Variants in HS6ST3 observed in about 807,000 individuals in gnomAD.
The protein encoded by HS6ST3 is heparan sulfate 6-O-sulfotransferase 3, also known as heparan-sulfate 6-O-sulfotransferase 3.
A neutral mutation model predicts 36.7 loss-of-function variants in HS6ST3; 12 were observed. The ratio of observed to expected loss-of-function variants is 0.33; its 90% CI spans 0.21 to 0.53. The LOEUF (loss-of-function observed/expected upper bound fraction) is 0.53. Among genes scored for constraint, HS6ST3 ranks in the 20% least tolerant of loss-of-function variants. HS6ST3 has a pLI of 0.95. For missense variants in HS6ST3, 584 were observed against 640.9 expected, an observed-to-expected ratio of 0.91 and a Z score of 0.96; for synonymous variants, 240 against 257.5, an observed-to-expected ratio of 0.93 and a Z score of 0.65.
chr13:96,532,224 C>T (rs760150082), intron 1 of HS6ST3, among the ~76,000 whole-genome samples: 8 of 152,202 alleles, frequency 5.3e-5, no homozygotes, highest in Admixed American at 6.5e-5. Context: ...TGGGGAATAA[C>T]GGGCATCTAA....
At chr13:96,092,344 A>C (rs953102149) in intron 1 of HS6ST3, among the ~76,000 whole-genome samples, 8 of 152,198 alleles carry the variant, frequency 5.3e-5, no homozygotes, top group Non-Finnish European at 8.8e-5. Context: ...TGTTTTCAGG[A>C]TGGAATGACA....
intron 1 of HS6ST3, among the ~76,000 whole-genome samples, chr13:96,281,078 CT>C (rs2054773706): frequency 2.0e-5 from 3 of 152,144 alleles, no homozygotes; most frequent in Non-Finnish European, 4.4e-5. Flanking sequence ...ACAATCTCGG[CT>C]CACTGCAACC....
At chr13:96,393,721 C>T (rs533542850) in intron 1 of HS6ST3, among the ~76,000 whole-genome samples, 56 of 152,156 alleles carry the variant, frequency 3.7e-4, no homozygotes, top group Middle Eastern at 3.4e-3. Context: ...AGAACTCAGC[C>T]GGCAGAGGCT....
At chr13:96,646,395 G>C (rs1254999570) in intron 1 of HS6ST3, among the ~76,000 whole-genome samples, 1 of 151,980 alleles carries the variant, frequency 6.6e-6, no homozygotes, top group Admixed American at 6.6e-5. Flanking sequence ...CAAGGTCACT[G>C]AATACATTGA....
intron 1 of HS6ST3, among the ~76,000 whole-genome samples, chr13:96,466,644 C>T (rs750330042): frequency 8.6e-5 from 13 of 151,938 alleles, no homozygotes; most frequent in South Asian, 4.1e-4. Flanking sequence ...AGAAAGAGAA[C>T]GAGAAATAAA....
At chr13:96,689,527 G>A (rs1223630309) in intron 1 of HS6ST3, among the ~76,000 whole-genome samples, 1 of 151,348 alleles carries the variant, frequency 6.6e-6, no homozygotes, top group Admixed American at 6.6e-5. Flanking sequence ...CTTAATAAGA[G>A]GGTCCCCCAA....
At chr13:96,360,945 C>CCCCAAA (rs1555300658) in intron 1 of HS6ST3, among the ~76,000 whole-genome samples, 1 of 130,866 alleles carries the variant, frequency 7.6e-6, no homozygotes. Context: ...GACCCTGTCC[C>CCCCAAA]AAAAAAAAAA....
intron 1 of HS6ST3, among the ~76,000 whole-genome samples, chr13:96,682,538 C>T (rs935657841): frequency 1.3e-5 from 2 of 152,106 alleles, no homozygotes; most frequent in Non-Finnish European, 2.9e-5. Context: ...CAAAGGCCAC[C>T]AGTGAGTCTT....
At chr13:96,769,985 T>C (rs1207398920) in intron 1 of HS6ST3, among the ~76,000 whole-genome samples, 1 of 152,182 alleles carries the variant, frequency 6.6e-6, no homozygotes. Flanking sequence ...GCAAGAAGTC[T>C]GTAGGTCAGT....
chr13:96,304,034 G>A (rs575558388), intron 1 of HS6ST3, among the ~76,000 whole-genome samples: 4 of 151,810 alleles, frequency 2.6e-5, no homozygotes, highest in Admixed American at 6.6e-5. Flanking sequence ...TTCCAGTTAC[G>A]GGGGAGGCTG....
chr13:96,217,131 C>T (rs1269015165), intron 1 of HS6ST3, among the ~76,000 whole-genome samples: 6 of 152,252 alleles, frequency 3.9e-5, no homozygotes, highest in African/African-American at 7.2e-5. Flanking sequence ...GGGAGCCAGA[C>T]GGAAGTTTCC....
chr13:96,127,813 G>A (rs1388791131), intron 1 of HS6ST3, among the ~76,000 whole-genome samples: 1 of 152,094 alleles, frequency 6.6e-6, no homozygotes, highest in Non-Finnish European at 1.5e-5. Flanking sequence ...TGTGCTCATT[G>A]GTTGCTTAGG....
At chr13:96,224,976 G>A (rs1385693130) in intron 1 of HS6ST3, among the ~76,000 whole-genome samples, 6 of 152,198 alleles carry the variant, frequency 3.9e-5, no homozygotes, top group African/African-American at 1.4e-4. Flanking sequence ...TTTTTCCAAA[G>A]GGTAATTGAA....
intron 1 of HS6ST3, among the ~76,000 whole-genome samples, chr13:96,367,147 T>G (rs191112286): frequency 2.0e-5 from 3 of 152,342 alleles, no homozygotes; most frequent in African/African-American, 7.2e-5. Flanking sequence ...ATGATTTGCA[T>G]TTTTCTCTTG....
chr13:96,217,579 A>G (rs2054433402), intron 1 of HS6ST3, among the ~76,000 whole-genome samples: 2 of 152,174 alleles, frequency 1.3e-5, no homozygotes, highest in South Asian at 2.1e-4. Context: ...CCATCCATCC[A>G]TCCATCTCTC....
chr13:96,471,085 A>T (rs2055838126), intron 1 of HS6ST3, among the ~76,000 whole-genome samples: 1 of 152,216 alleles, frequency 6.6e-6, no homozygotes. Flanking sequence ...GGATTCCAGT[A>T]ACAGAAACTT....
intron 1 of HS6ST3, among the ~76,000 whole-genome samples, chr13:96,160,832 C>T (rs1050053777): frequency 3.3e-5 from 5 of 152,180 alleles, no homozygotes; most frequent in South Asian, 2.1e-4. Flanking sequence ...CAGTGAAAGA[C>T]GCTTGCAGGC....
chr13:96,796,862 T>C lies in HS6ST3; in HGVS notation c.708-35628T>C, dbSNP rs1271226756. On this transcript the variant is annotated intron_variant, in intron 1 of 1. Coordinates refer to ENST00000376705, the MANE Select transcript of HS6ST3 (RefSeq NM_153456.4). ...AGGTGATAGAGTAGATGAGCATTTA[T>C]TTGGTAGGGGACTATCGATCAGGCC... Among the ~76,000 whole-genome samples, 9 of 152,192 alleles carry C rather than the reference T, an allele frequency of 5.9e-5. No homozygotes were observed. The South Asian group carries it at 1.9e-3, about 32-fold the overall frequency.
intron 1 of HS6ST3, among the ~76,000 whole-genome samples, chr13:96,176,372 T>A (rs1440629982): frequency 6.6e-6 from 1 of 152,142 alleles, no homozygotes; most frequent in African/African-American, 2.4e-5. Flanking sequence ...GTATTCTAGA[T>A]AATAAATGGA....
Sources: allele counts gnomAD v4.1 joint callset (sites outside exome capture counted in the v4.1 genomes callset), GRCh38; gene constraint gnomAD v4.1.1; transcripts MANE v1.5; gene names NCBI Gene and HGNC (gene_info 2026-07-23, HGNC 2026-07-21).